The following DPP10 variants were observed in gnomAD, a reference collection of about 807,000 sequenced individuals.
The protein encoded by DPP10 is dipeptidyl peptidase like 10.
Under a neutral mutation model 120.9 loss-of-function variants are expected in DPP10, and 33 were observed. The ratio of observed to expected loss-of-function variants is 0.27; its 90% CI spans 0.21 to 0.37. The LOEUF is 0.37. Among genes scored for constraint, DPP10 ranks in the 10% least tolerant of loss-of-function variants. The pLI is 1.00. For synonymous variants in DPP10, 337 were observed against 326.1 expected, an observed-to-expected ratio of 1.03 and a Z score of -0.36; for missense variants, 816 against 942.8, an observed-to-expected ratio of 0.87 and a Z score of 1.76.
chr2:114,626,016 ATATAT>A (rs1694482167), intron 1 of DPP10, among the ~76,000 whole-genome samples: 1 of 151,614 alleles, frequency 6.6e-6, no homozygotes, highest in Non-Finnish European at 1.5e-5. Flanking sequence ...AGAAAATAAA[ATATAT>A]TATAAATTTA....
chr2:115,055,066 A>T (rs1180419450), intron 1 of DPP10, among the ~76,000 whole-genome samples: 1 of 152,178 alleles, frequency 6.6e-6, no homozygotes, highest in Non-Finnish European at 1.5e-5. Context: ...TTTAACAATA[A>T]TGCTGTTGTT....
At chr2:114,882,587 C>T (rs942129979) in intron 1 of DPP10, among the ~76,000 whole-genome samples, 1 of 152,010 alleles carries the variant, frequency 6.6e-6, no homozygotes, top group African/African-American at 2.4e-5. Flanking sequence ...GCAGTGTACA[C>T]TGCTCAGGGG....
At chr2:115,280,041 T>G (rs1402514269) in intron 1 of DPP10, among the ~76,000 whole-genome samples, 1 of 152,166 alleles carries the variant, frequency 6.6e-6, no homozygotes, top group Non-Finnish European at 1.5e-5. Context: ...TAGTTCTCAG[T>G]AAATGCTGAT....
chr2:114,791,274 C>T (rs748087958), intron 1 of DPP10, among the ~76,000 whole-genome samples: 5 of 152,160 alleles, frequency 3.3e-5, no homozygotes, highest in Non-Finnish European at 7.3e-5. Flanking sequence ...TGTTTTGTTT[C>T]AGGCATAGGC....
rs180887374 is a variant in DPP10, at chr2:115,507,313, T to C, written c.366+7709T>C. Among the ~76,000 whole-genome samples, 779 of 152,308 alleles carry C rather than the reference T, an allele frequency of 5.1e-3. 3 individuals are homozygous for C. Among genetic ancestry groups the C allele is most frequent in the Non-Finnish European group, 8.3e-3 (565 of 68,020 alleles). Reference sequence around the variant, plus strand: ...GTTTGGATCCCTGTTGTGTGTCAGATAATATTCCAGATTCTGGGGATACAA... The same window carrying C: ...GTTTGGATCCCTGTTGTGTGTCAGACAATATTCCAGATTCTGGGGATACAA... On this transcript the variant is annotated intron_variant, in intron 4 of 25. Coordinates refer to ENST00000410059, the MANE Select transcript of DPP10 (RefSeq NM_020868.6).
At chr2:115,447,529 A>C (rs1381700780) in intron 3 of DPP10, among the ~76,000 whole-genome samples, 2 of 152,082 alleles carry the variant, frequency 1.3e-5, no homozygotes, top group African/African-American at 4.8e-5. Flanking sequence ...TATAATCCCC[A>C]TGTGTCAAGG....
intron 3 of DPP10, among the ~76,000 whole-genome samples, chr2:115,358,406 C>T (rs902269196): frequency 6.6e-6 from 1 of 152,168 alleles, no homozygotes; most frequent in Non-Finnish European, 1.5e-5. Context: ...ACCACCTCAG[C>T]CTGGACTTCA....
chr2:115,472,336 G>T (rs1340580043), intron 3 of DPP10, among the ~76,000 whole-genome samples: 1 of 152,082 alleles, frequency 6.6e-6, no homozygotes. Context: ...TCCATTAGAA[G>T]TCGAATATGA....
intron 4 of DPP10, among the ~76,000 whole-genome samples, chr2:115,504,891 G>A (rs2076863895): frequency 6.6e-6 from 1 of 152,156 alleles, no homozygotes; most frequent in African/African-American, 2.4e-5. Flanking sequence ...AATTAAAAGT[G>A]TGAGAGGAAA....
chr2:115,776,821 AC>A (rs1332547593), intron 13 of DPP10, among the ~76,000 whole-genome samples: 7 of 151,390 alleles, frequency 4.6e-5, no homozygotes, highest in Admixed American at 4.0e-4. Flanking sequence ...TAAAATGAAT[AC>A]AAACCTGAGT....
At chr2:115,520,201 C>T (rs1174183575) in intron 4 of DPP10, among the ~76,000 whole-genome samples, 1 of 152,042 alleles carries the variant, frequency 6.6e-6, no homozygotes, top group African/African-American at 2.4e-5. Context: ...ACCTGTAGTC[C>T]CAGCTACTCG....
At chr2:114,497,152 CATGTAGGTGT>C (rs1682620428) in intron 1 of DPP10, among the ~76,000 whole-genome samples, 2 of 142,710 alleles carry the variant, frequency 1.4e-5, no homozygotes, top group African/African-American at 5.8e-5. Context: ...CACGTGTATA[CATGTAGGTGT>C]ACACGTGTAT....
chr2:114,932,941 T>C (rs889408175), intron 1 of DPP10, among the ~76,000 whole-genome samples: 3 of 152,198 alleles, frequency 2.0e-5, no homozygotes, highest in African/African-American at 7.2e-5. Flanking sequence ...TGTGTGGCCT[T>C]ATCTATCTTT....
intron 1 of DPP10, among the ~76,000 whole-genome samples, chr2:114,881,472 T>TATCTATCTATC (rs1691609129): frequency 8.8e-6 from 1 of 113,030 alleles, no homozygotes; most frequent in Non-Finnish European, 1.8e-5. Flanking sequence ...TCTATCTATC[T>TATCTATCTATC]ATCTATCTAT....
intron 1 of DPP10, among the ~76,000 whole-genome samples, chr2:114,523,269 A>G (rs1034603228): frequency 3.9e-5 from 6 of 152,158 alleles, no homozygotes; most frequent in African/African-American, 1.2e-4. Flanking sequence ...CCTCCTTTCA[A>G]TCAGTCATTG....
chr2:114,514,833 A>T (rs1382018913), intron 1 of DPP10, among the ~76,000 whole-genome samples: 1 of 150,018 alleles, frequency 6.7e-6, no homozygotes, highest in Non-Finnish European at 1.5e-5. Context: ...TGAGGGTTCC[A>T]TCAGAGTATC....
In DPP10 at chr2:114,721,202, C is replaced by T. The variant is rs938487792; in HGVS notation, c.60+278364C>T. On this transcript the variant is annotated intron_variant, in intron 1 of 25. Transcript: ENST00000410059. ...CCTCCAGTGACTCTTTTAGGGTGTG[C>T]ATTCATTCTATCATTCTTCTCTGAT... Among the ~76,000 whole-genome samples, 3 of 152,248 alleles carry T rather than the reference C, an allele frequency of 2.0e-5. No homozygotes were observed. The East Asian group carries it at 5.8e-4, about 29-fold the overall frequency.
At chr2:114,733,855 T>C (rs1487806604) in intron 1 of DPP10, among the ~76,000 whole-genome samples, 1 of 152,156 alleles carries the variant, frequency 6.6e-6, no homozygotes, top group African/African-American at 2.4e-5. Flanking sequence ...ATCTATTAGA[T>C]ATAATAGACA....
chr2:115,155,382 G>C (rs1255029068), intron 1 of DPP10, among the ~76,000 whole-genome samples: 1 of 152,136 alleles, frequency 6.6e-6, no homozygotes, highest in African/African-American at 2.4e-5. Flanking sequence ...TGAGTGGATG[G>C]CTTCTCCATG....
Sources: gnomAD v4.1 joint callset for allele counts (sites outside exome capture counted in the v4.1 genomes callset) on GRCh38, gnomAD v4.1.1 for gene constraint, MANE v1.5 for transcripts, NCBI Gene and HGNC (gene_info 2026-07-23, HGNC 2026-07-21) for gene names.